PAIP2: variants seen among roughly 807,000 people sequenced by gnomAD.
The protein encoded by PAIP2 is poly(A) binding protein interacting protein 2.
A neutral mutation model predicts 14.8 loss-of-function variants in PAIP2; 7 were observed. The observed-to-expected ratio is 0.47, with a 90% confidence interval of 0.27 to 0.89. The LOEUF (loss-of-function observed/expected upper bound fraction) is 0.89, where lower values mean the gene tolerates loss of function less well. PAIP2 is among the 40% of genes least tolerant of loss of function. PAIP2 has a pLI of 0.13. For missense variants in PAIP2, 122 were observed against 154.7 expected, an observed-to-expected ratio of 0.79 and a Z score of 1.12; for synonymous variants, 47 against 45.3, an observed-to-expected ratio of 1.04 and a Z score of -0.15.
intron 1 of PAIP2, among the ~76,000 whole-genome samples, chr5:139,346,166 C>G (rs61602146): frequency 0.011 from 1,656 of 152,292 alleles, 23 homozygotes; most frequent in African/African-American, 0.038. Flanking sequence ...AAAAATTGCT[C>G]TTACCTATCC....
chr5:139,343,751 G>A (rs1756453057), intron 1 of PAIP2, among the ~76,000 whole-genome samples: 1 of 134,952 alleles, frequency 7.4e-6, no homozygotes, highest in Admixed American at 8.4e-5. Context: ...TCACTCTGTC[G>A]CCAGGCTGGA....
At chr5:139,356,682 G>T (rs1360702214) in intron 1 of PAIP2, among the ~76,000 whole-genome samples, 3 of 151,722 alleles carry the variant, frequency 2.0e-5, no homozygotes, top group Admixed American at 2.0e-4. Context: ...TCAGGAGTTC[G>T]AGACCAGCCT....
chr5:139,359,965 TTTC>T (rs1047148246), intron 1 of PAIP2, among the ~76,000 whole-genome samples: 2 of 150,954 alleles, frequency 1.3e-5, no homozygotes, highest in South Asian at 2.1e-4. Flanking sequence ...AATGGGTAAT[TTTC>T]TTCTTTTCTT....
chr5:139,344,490 T>C (rs1756477322), intron 1 of PAIP2, among the ~76,000 whole-genome samples: 1 of 152,112 alleles, frequency 6.6e-6, no homozygotes, highest in South Asian at 2.1e-4. Context: ...TTGTTTAGAG[T>C]GGTGCTGTCC....
intron 1 of PAIP2, among the ~76,000 whole-genome samples, chr5:139,353,750 CTGT>C (rs1756823704): frequency 6.7e-6 from 1 of 149,276 alleles, no homozygotes; most frequent in African/African-American, 2.5e-5. Context: ...CAGAGTCTCA[CTGT>C]TGTTGGCCCA....
rs566065400 is a variant in PAIP2 at position 139,363,655 on chromosome 5, A to T, written c.-26-104A>T. On this transcript the variant is annotated intron_variant, in intron 1 of 3. Coordinates refer to ENST00000265192, the MANE Select transcript of PAIP2 (RefSeq NM_016480.5). Reference sequence around the variant, plus strand: ...GAGATCGAGGCTGTGGTGAGCCATGATCACACCATTGCACTCCAGCCTGGA... The same window carrying T: ...GAGATCGAGGCTGTGGTGAGCCATGTTCACACCATTGCACTCCAGCCTGGA... 3.0e-5 allele frequency: 29 copies of T among 973,988 alleles called. 1 individual carries two copies. The South Asian group carries it at 4.5e-4, about 15-fold the overall frequency. 60.3% of individuals were successfully genotyped at this position (973,988 alleles called of 1,614,324 possible).
chr5:139,350,890 G>A (rs1756710679), intron 1 of PAIP2, among the ~76,000 whole-genome samples: 1 of 151,952 alleles, frequency 6.6e-6, no homozygotes, highest in Non-Finnish European at 1.5e-5. Context: ...ATAAACATGA[G>A]GAATAAGCTT....
At position 139,364,852 on chromosome 5, in the gene PAIP2, T is replaced by C. The variant is rs543679780; in HGVS notation, c.318+109T>C. 1.2e-5 allele frequency: 9 copies of C among 751,484 alleles called. No homozygotes were observed. The African/African-American group carries it at 1.6e-4, about 13-fold the overall frequency. 46.6% of individuals were successfully genotyped at this position (751,484 alleles called of 1,614,324 possible). A position where few individuals can be genotyped will look rare whatever the true frequency, so the allele number is the denominator to read the frequency against. ...CTACATCTCTTTCCCCTTCAGAAAT[T>C]GTGCTGCTTCTGGCCGGGCATGTGG... On this transcript the variant is annotated intron_variant, in intron 3 of 3. Transcript: ENST00000265192.
At chr5:139,353,721 T>G (rs1046172694) in intron 1 of PAIP2, among the ~76,000 whole-genome samples, 4 of 105,396 alleles carry the variant, frequency 3.8e-5, no homozygotes, top group Admixed American at 1.0e-4. Flanking sequence ...GCATTGTCTT[T>G]TCTTTTTTTT....
intron 1 of PAIP2, among the ~76,000 whole-genome samples, chr5:139,358,664 TA>T (rs918747471): frequency 2.0e-5 from 3 of 152,242 alleles, no homozygotes; most frequent in African/African-American, 7.2e-5. Flanking sequence ...TACAATGGAA[TA>T]TTGTTTGGCA....
At chr5:139,368,566 A>T (rs1757443039) in intron 3 of PAIP2, among the ~76,000 whole-genome samples, 167 bp from the exon 4 acceptor site, 1 of 151,964 alleles carries the variant, frequency 6.6e-6, no homozygotes, top group Non-Finnish European at 1.5e-5. Flanking sequence ...ATTTAATATG[A>T]TATATAGCTT....
At chr5:139,360,909 T>TA (rs1757051449) in intron 1 of PAIP2, among the ~76,000 whole-genome samples, 1 of 152,076 alleles carries the variant, frequency 6.6e-6, no homozygotes, top group Non-Finnish European at 1.5e-5. Flanking sequence ...GCCTCCCAGA[T>TA]AGCTGGGATT....
chr5:139,342,993 A>C (rs540357367), intron 1 of PAIP2: 1 of 152,338 alleles, frequency 6.6e-6, no homozygotes, highest in East Asian at 1.9e-4. Flanking sequence ...TGTGCTGGCT[A>C]ATGTTGAAAC....
intron 1 of PAIP2, among the ~76,000 whole-genome samples, chr5:139,362,050 A>T (rs2152053538): frequency 6.6e-6 from 1 of 152,292 alleles, no homozygotes; most frequent in South Asian, 2.1e-4. Flanking sequence ...TGGGCTATCA[A>T]GGAGAGATCC....
intron 1 of PAIP2, among the ~76,000 whole-genome samples, chr5:139,359,539 A>G (rs1216214849): frequency 1.3e-5 from 2 of 152,170 alleles, no homozygotes; most frequent in African/African-American, 2.4e-5. Flanking sequence ...TAACTTAATG[A>G]TAAGGTTCAG....
chr5:139,344,444 A>G (rs1756475627), intron 1 of PAIP2, among the ~76,000 whole-genome samples: 2 of 152,214 alleles, frequency 1.3e-5, no homozygotes, highest in African/African-American at 2.4e-5. Flanking sequence ...GCTAAGGTTC[A>G]GTTCCAAAAA....
chr5:139,364,256 A>C (rs1232278644), intron 2 of PAIP2, among the ~76,000 whole-genome samples: 1 of 152,204 alleles, frequency 6.6e-6, no homozygotes, highest in Admixed American at 6.5e-5. Context: ...GGTTACCGTG[A>C]AAGTCAAGAG....
intron 1 of PAIP2, among the ~76,000 whole-genome samples, chr5:139,342,271 G>C (rs1487693013): frequency 6.6e-6 from 1 of 152,094 alleles, no homozygotes; most frequent in African/African-American, 2.4e-5. Context: ...TGCCGGGATA[G>C]CACTTTCTCC....
intron 1 of PAIP2, among the ~76,000 whole-genome samples, chr5:139,356,165 C>T (rs1311117675): frequency 2.8e-5 from 4 of 144,882 alleles, no homozygotes; most frequent in South Asian, 2.2e-4. Flanking sequence ...TAAATAAAGT[C>T]GGCTGGGCAC....
Sources: gnomAD v4.1 joint callset for allele counts (sites outside exome capture counted in the v4.1 genomes callset) on GRCh38, gnomAD v4.1.1 for gene constraint, MANE v1.5 for transcripts, NCBI Gene and HGNC (gene_info 2026-07-23, HGNC 2026-07-21) for gene names.